Variants in STX17 observed in about 807,000 individuals in gnomAD.
STX17 encodes syntaxin-17.
Under a neutral mutation model 35.9 loss-of-function variants are expected in STX17, and 29 were observed. That is an observed-to-expected ratio of 0.81 (90% CI 0.60 to 1.10). STX17 has a LOEUF of 1.10. Among genes scored for constraint, STX17 ranks in the 50% least tolerant of loss-of-function variants. The pLI is 0.00. For missense variants in STX17, 312 were observed against 352.3 expected (o/e 0.89, Z 0.92); for synonymous variants, 92 against 118.3 (o/e 0.78, Z 1.44).
rs148088799 is a variant in STX17, at chr9:99,944,425, A to G, written c.190-6635A>G. On this transcript the variant is annotated intron_variant, in intron 3 of 7. Transcript: ENST00000259400. ...TTCAACCTTTTTTCTTTTCTAATAT[A>G]TATATATGCAGTTACAGCTATAAAT... 5.3e-5 allele frequency among the ~76,000 whole-genome samples: 8 copies of G among 151,412 alleles called. No individual in the cohort carries two copies. In the East Asian group the frequency reaches 1.5e-3, roughly 29 times the overall value.
intron 3 of STX17, among the ~76,000 whole-genome samples, chr9:99,942,844 A>G (rs117649072): frequency 0.028 from 4,256 of 151,948 alleles, 104 homozygotes; most frequent in Non-Finnish European, 0.043. Flanking sequence ...AGTCAAGTGC[A>G]TTTATGTTTG....
intron 2 of STX17, chr9:99,915,996 G>A: frequency 2.2e-6 from 1 of 454,364 alleles, no homozygotes; most frequent in Non-Finnish European, 4.4e-6. Context: ...TCACCCCATG[G>A]CAAGTTTTTG....
intron 2 of STX17, among the ~76,000 whole-genome samples, chr9:99,928,463 C>T (rs1829035198): frequency 6.6e-6 from 1 of 151,986 alleles, no homozygotes; most frequent in Non-Finnish European, 1.5e-5. Context: ...TATTATTTTA[C>T]ATTCTAATTC....
intron 3 of STX17, among the ~76,000 whole-genome samples, chr9:99,931,570 G>C (rs1829124976): frequency 6.7e-6 from 1 of 149,342 alleles, no homozygotes; most frequent in African/African-American, 2.5e-5. Context: ...TATCCCATTT[G>C]CTTACACATT....
At chr9:99,946,135 G>C (rs1220463390) in intron 3 of STX17, among the ~76,000 whole-genome samples, 1 of 152,048 alleles carries the variant, frequency 6.6e-6, no homozygotes, top group Non-Finnish European at 1.5e-5. Context: ...CATCTGTACT[G>C]ACTCTTTTGC....
chr9:99,922,519 C>A (rs770250996), intron 2 of STX17, among the ~76,000 whole-genome samples: 2 of 152,152 alleles, frequency 1.3e-5, no homozygotes, highest in Non-Finnish European at 2.9e-5. Flanking sequence ...TCTTGCTGAA[C>A]GAGAACATCA....
rs146738346 is a variant in STX17, at chr9:99,943,497, C to T, written c.190-7563C>T. Among the ~76,000 whole-genome samples, 1,007 of 152,164 alleles carry T rather than the reference C, an allele frequency of 6.6e-3. 9 individuals are homozygous for T. Among genetic ancestry groups the T allele is most frequent in the African/African-American group, 0.022 (926 of 41,532 alleles). On this transcript the variant is annotated intron_variant, in intron 3 of 7. Coordinates refer to ENST00000259400, the MANE Select transcript of STX17 (RefSeq NM_017919.3). ...AAATTTTTGTATTTCTTAGTAGAGA[C>T]GGGGTTTCACCATGTTGGCCAGGCT...
chr9:99,959,263 C>G (rs1829780098), intron 4 of STX17, among the ~76,000 whole-genome samples: 1 of 150,984 alleles, frequency 6.6e-6, no homozygotes, highest in Admixed American at 6.6e-5. Context: ...TGTGTGTAAG[C>G]TTGGTGTCAT....
At chr9:99,927,187 A>G (rs914820500) in intron 2 of STX17, among the ~76,000 whole-genome samples, 6 of 152,174 alleles carry the variant, frequency 3.9e-5, no homozygotes, top group Admixed American at 3.3e-4. Context: ...TAGCCTTGGC[A>G]TCTACACATT....
At chr9:99,919,149 C>T (rs548254463) in intron 2 of STX17, among the ~76,000 whole-genome samples, 3 of 152,242 alleles carry the variant, frequency 2.0e-5, no homozygotes, top group African/African-American at 4.8e-5. Flanking sequence ...GGCAGTTACT[C>T]GGGCAAGTAT....
chr9:99,928,691 G>T, intron 2 of STX17, 87 bp from the exon 3 acceptor site: 1 of 1,090,232 alleles, frequency 9.2e-7, no homozygotes, highest in South Asian at 1.3e-5. Context: ...GTTTAAGTTT[G>T]GGTGGGTGAG....
chr9:99,964,595 A>C (rs1829881825), intron 6 of STX17, among the ~76,000 whole-genome samples: 1 of 152,172 alleles, frequency 6.6e-6, no homozygotes, highest in Non-Finnish European at 1.5e-5. Context: ...AGGCCTAAGC[A>C]GATGAAAATA....
intron 4 of STX17, among the ~76,000 whole-genome samples, chr9:99,957,373 T>A (rs1438038606): frequency 6.6e-6 from 1 of 152,190 alleles, no homozygotes; most frequent in Non-Finnish European, 1.5e-5. Context: ...TATAATTTCT[T>A]TTTGTATGTC....
chr9:99,917,001 G>C (rs973779621), intron 2 of STX17, among the ~76,000 whole-genome samples: 1 of 152,154 alleles, frequency 6.6e-6, no homozygotes, highest in African/African-American at 2.4e-5. Context: ...GGATAGAATG[G>C]TTATATTACT....
At chr9:99,962,258 A>G (rs1414744224) in intron 6 of STX17, among the ~76,000 whole-genome samples, 1 of 152,214 alleles carries the variant, frequency 6.6e-6, no homozygotes, top group Admixed American at 6.5e-5. Context: ...TAGAAGAAGC[A>G]AAATATTTGA....
intron 3 of STX17, among the ~76,000 whole-genome samples, chr9:99,934,422 T>C (rs907291923): frequency 3.3e-5 from 5 of 152,224 alleles, no homozygotes; most frequent in Non-Finnish European, 7.4e-5. Context: ...ATTTTTACTC[T>C]TTTTGGTGGC....
At chr9:99,959,652 G>C (rs895433267) in intron 4 of STX17, among the ~76,000 whole-genome samples, 3 of 151,888 alleles carry the variant, frequency 2.0e-5, no homozygotes, top group Non-Finnish European at 4.4e-5. Context: ...GTAGAGACGA[G>C]GTCTCACTCT....
At chr9:99,929,742 G>A (rs926814348) in intron 3 of STX17, 2 of 151,268 alleles carry the variant, frequency 1.3e-5, no homozygotes, top group Non-Finnish European at 2.9e-5. Flanking sequence ...TGGAGATATT[G>A]TTTTCTGCTG....
chr9:99,950,188 A>G (rs1405863622), intron 3 of STX17, among the ~76,000 whole-genome samples: 1 of 151,952 alleles, frequency 6.6e-6, no homozygotes. Flanking sequence ...ATAAAAATCT[A>G]ACAACTTCAT....
Sources: allele counts gnomAD v4.1 joint callset (sites outside exome capture counted in the v4.1 genomes callset), GRCh38; gene constraint gnomAD v4.1.1; transcripts MANE v1.5; gene names NCBI Gene and HGNC (gene_info 2026-07-23, HGNC 2026-07-21).